FFAR1: variants seen among roughly 807,000 people sequenced by gnomAD.
The protein encoded by FFAR1 is free fatty acid receptor 1, also known as G-protein coupled receptor 40.
For missense variants in FFAR1, 424 were observed against 396.2 expected, an observed-to-expected ratio of 1.07 and a Z score of -0.60; for synonymous variants, 216 against 201.5, an observed-to-expected ratio of 1.07 and a Z score of -0.61.
exon 1 of FFAR1, chr19:35,351,661 G>T: frequency 6.4e-7 from 1 of 1,553,462 alleles, no homozygotes; most frequent in Middle Eastern, 1.7e-4. Context: ...GCCCGGCTCC[G>T]TCTCACCCCT....
At chr19:35,352,679 C>G (rs1464544201) in exon 1 of FFAR1, 2 of 590,320 alleles carry the variant, frequency 3.4e-6, no homozygotes, top group South Asian at 4.2e-5. Flanking sequence ...CTGCACGTGT[C>G]GAGGAAGTTT....
At chr19:35,351,413 C>A, upstream of FFAR1, 2 of 737,768 alleles carry the variant, frequency 2.7e-6, no homozygotes, top group South Asian at 1.7e-5. Context: ...TCCCTGATCC[C>A]ACCAGGTGAA....
rs1045699787 is a variant in FFAR1 at position 35,352,575 on chromosome 19, C to T, written c.*121C>T. On this transcript the variant is annotated 3_prime_UTR_variant, in exon 1 of 1. Coordinates refer to ENST00000246553, the Ensembl canonical transcript of FFAR1. ...TGGCCCGGAGGCCTCCCTGGAGCCA[C>T]TCAAGCAGAGAGCGGCGCCTGCTGA... 5 of 1,122,030 alleles carry T rather than the reference C, an allele frequency of 4.5e-6. No individual in the cohort carries two copies. The African/African-American group carries it at 6.3e-5, about 14-fold the overall frequency. The allele number at this position is 1,122,030 out of a possible 1,614,324, so 69.5% of individuals were successfully genotyped here.
At chr19:35,351,743 G>A (rs1408780244) in exon 1 of FFAR1, 1 of 1,563,654 alleles carries the variant, frequency 6.4e-7, no homozygotes, top group Non-Finnish European at 8.6e-7. Flanking sequence ...TGAAGGCGGT[G>A]GAGGCGCTAG....
At chr19:35,352,038 C>G (rs1469928965) in exon 1 of FFAR1, 4 of 1,613,908 alleles carry the variant, frequency 2.5e-6, no homozygotes, top group South Asian at 1.1e-5. Flanking sequence ...CATCAACACA[C>G]CGGTCAACGG....
At chr19:35,350,655 T>A (rs2066940331), upstream of FFAR1, among the ~76,000 whole-genome samples, 1 of 152,070 alleles carries the variant, frequency 6.6e-6, no homozygotes, top group South Asian at 2.1e-4. Flanking sequence ...CCTCACCTCC[T>A]CTGGCGTGGC....
chr19:35,351,981 T>C (rs1431552413), exon 1 of FFAR1: 1 of 1,614,096 alleles, frequency 6.2e-7, no homozygotes, highest in Non-Finnish European at 8.5e-7. Context: ...GGTCTTTGGG[T>C]TGGAGGCTCC....
exon 1 of FFAR1, chr19:35,353,080 A>AC (rs5827929): frequency 1 from 154,849 of 154,850 alleles, 77,424 homozygotes; most frequent in Non-Finnish European, 1. Flanking sequence ...GGGGTGCCGA[A>AC]CCCCACGCAG....
At chr19:35,351,438 A>G (rs548895443), upstream of FFAR1, 55 of 896,386 alleles carry the variant, frequency 6.1e-5, no homozygotes, top group African/African-American at 7.8e-4. Flanking sequence ...AATTCTCCAC[A>G]CAGGGCTGGA....
At chr19:35,348,213 A>T (rs2066929182), upstream of FFAR1, among the ~76,000 whole-genome samples, 1 of 152,218 alleles carries the variant, frequency 6.6e-6, no homozygotes, top group African/African-American at 2.4e-5. Context: ...ATTATGGTTC[A>T]GGGAGGCCTT....
rs1392778569 is a variant in FFAR1, at chr19:35,352,625, A to G, written c.*171A>G. On this transcript the variant is annotated 3_prime_UTR_variant, in exon 1 of 1. Coordinates refer to ENST00000246553, the Ensembl canonical transcript of FFAR1. ...AGGGCAGCACCCCAGTCAAGAGAGG[A>G]GCACCGAGCCAGAGCACGGTGGCAG... 8 of 696,060 alleles carry G rather than the reference A, an allele frequency of 1.1e-5. No individual in the cohort carries two copies. In the East Asian group the frequency reaches 1.9e-4, roughly 17 times the overall value. 43.1% of individuals were successfully genotyped at this position (696,060 alleles called of 1,614,324 possible). A position where few individuals can be genotyped will look rare whatever the true frequency, so the allele number is the denominator to read the frequency against.
At chr19:35,350,498 G>C (rs1429253213), upstream of FFAR1, among the ~76,000 whole-genome samples, 1 of 152,162 alleles carries the variant, frequency 6.6e-6, no homozygotes, top group Non-Finnish European at 1.5e-5. Context: ...GTGTGAACAG[G>C]CAGGAGGGCT....
chr19:35,349,291 C>T (rs532446642), upstream of FFAR1, among the ~76,000 whole-genome samples: 351 of 152,314 alleles, frequency 2.3e-3, 6 homozygotes, highest in Middle Eastern at 6.8e-3. Context: ...CTGAGGCACC[C>T]GGGAAGGCCC....
Position 35,352,910 on chromosome 19 carries a change from G to C in FFAR1, c.*456G>C. 1.4e-5 allele frequency: 3 copies of C among 207,872 alleles called. No individual in the cohort carries two copies. The South Asian group carries it at 2.6e-4, about 18-fold the overall frequency. The allele number at this position is 207,872 out of a possible 1,614,324, so 12.9% of individuals were successfully genotyped here. A position where few individuals can be genotyped will look rare whatever the true frequency, so the allele number is the denominator to read the frequency against. On this transcript the variant is annotated 3_prime_UTR_variant, in exon 1 of 1. Coordinates refer to ENST00000246553, the Ensembl canonical transcript of FFAR1. ...GAGTAGGAGAGGAGGCAGGAGGCAG[G>C]ATAATGACGCTGTTATACCATGTGA... is the stretch of plus-strand genomic sequence containing the variant.
upstream of FFAR1, among the ~76,000 whole-genome samples, chr19:35,349,051 C>A (rs1448815681): frequency 6.6e-6 from 1 of 152,198 alleles, no homozygotes; most frequent in Non-Finnish European, 1.5e-5. Flanking sequence ...GGGGCCAGGA[C>A]TCCAGACGCA....
At chr19:35,351,655 G>C (rs536139569) in exon 1 of FFAR1, 2 of 1,550,836 alleles carry the variant, frequency 1.3e-6, no homozygotes, top group Non-Finnish European at 8.7e-7. Context: ...GCCCACGCCC[G>C]GCTCCGTCTC....
exon 1 of FFAR1, chr19:35,352,146 G>T: frequency 6.2e-7 from 1 of 1,610,544 alleles, no homozygotes. Flanking sequence ...GGCCATCACA[G>T]CCTTCTGCTA....
At chr19:35,352,579 A>G in exon 1 of FFAR1, 1 of 1,058,122 alleles carries the variant, frequency 9.5e-7, no homozygotes. Flanking sequence ...GAGCCACTCA[A>G]GCAGAGAGCG....
chr19:35,349,505 C>G (rs1199190083), upstream of FFAR1, among the ~76,000 whole-genome samples: 1 of 152,250 alleles, frequency 6.6e-6, no homozygotes, highest in Non-Finnish European at 1.5e-5. Context: ...TCTCCGCTCA[C>G]AGCGGGCGCT....
Sources: allele counts gnomAD v4.1 joint callset (sites outside exome capture counted in the v4.1 genomes callset), GRCh38; gene constraint gnomAD v4.1.1; transcripts MANE v1.5; gene names NCBI Gene and HGNC (gene_info 2026-07-23, HGNC 2026-07-21).